The following RIMS2 variants were observed in gnomAD, a reference collection of about 807,000 sequenced individuals.
RIMS2 encodes the protein regulating synaptic membrane exocytosis 2.
In RIMS2, 59 loss-of-function variants were observed where a neutral mutation model predicts 174.4. The observed-to-expected ratio is 0.34, with a 90% CI of 0.27 to 0.42. RIMS2 has a LOEUF of 0.42. RIMS2 is among the 10% of genes least tolerant of loss of function. RIMS2 has a pLI of 1.00. For synonymous variants in RIMS2, 606 were observed against 572.5 expected, an observed-to-expected ratio of 1.06 and a Z score of -0.84; for missense variants, 1,620 against 1,666.3, an observed-to-expected ratio of 0.97 and a Z score of 0.48.
chr8:103,979,787 G>A (rs962314516), intron 16 of RIMS2, among the ~76,000 whole-genome samples: 5 of 152,198 alleles, frequency 3.3e-5, no homozygotes, highest in South Asian at 2.1e-4. Context: ...GAGGAAGAGC[G>A]CAGTGACTGG....
In RIMS2 at chr8:103,960,313, A is replaced by G. The variant is rs553027604; in HGVS notation, c.2702-752A>G. Reference sequence around the variant, plus strand: ...TTGCCACAGTAAGATTCACATTTAAAAATTTTGCTATAGATTTGTTATGTG... The same window carrying G: ...TTGCCACAGTAAGATTCACATTTAAGAATTTTGCTATAGATTTGTTATGTG... On this transcript the variant is annotated intron_variant, in intron 14 of 23. Transcript: ENST00000504942. Among the ~76,000 whole-genome samples the G allele has an allele frequency of 4.6e-5, 7 of 152,328 alleles. No homozygotes were observed. The South Asian group carries it at 1.4e-3, about 32-fold the overall frequency.
intron 1 of RIMS2, among the ~76,000 whole-genome samples, chr8:103,562,440 C>T (rs796163137): frequency 1.6e-4 from 24 of 152,298 alleles, no homozygotes; most frequent in African/African-American, 5.3e-4. Flanking sequence ...CTTAAAGTTC[C>T]AAAACAGTCT....
At chr8:103,712,892 TA>T (rs1441380732) in intron 2 of RIMS2, among the ~76,000 whole-genome samples, 5 of 152,198 alleles carry the variant, frequency 3.3e-5, no homozygotes, top group African/African-American at 1.2e-4. Flanking sequence ...AAATGAAAAA[TA>T]AAAGAATTTT....
chr8:104,202,312 C>T (rs963797731), intron 19 of RIMS2, among the ~76,000 whole-genome samples: 1 of 152,046 alleles, frequency 6.6e-6, no homozygotes, highest in Non-Finnish European at 1.5e-5. Flanking sequence ...TACAAAGAGA[C>T]GTGGTATATT....
intron 3 of RIMS2, among the ~76,000 whole-genome samples, chr8:103,835,877 C>T (rs144201312): frequency 2.6e-5 from 4 of 152,268 alleles, no homozygotes; most frequent in Admixed American, 1.3e-4. Context: ...TCTTTCTTTA[C>T]TACTTTACTT....
At chr8:104,247,119 T>C (rs2099338155) in intron 20 of RIMS2, among the ~76,000 whole-genome samples, 1 of 152,124 alleles carries the variant, frequency 6.6e-6, no homozygotes, top group Admixed American at 6.5e-5. Context: ...TGAGGTCAGA[T>C]TCTGAATGTA....
At chr8:103,958,378 GAAC>G (rs921361596) in intron 14 of RIMS2, among the ~76,000 whole-genome samples, 5 of 152,058 alleles carry the variant, frequency 3.3e-5, no homozygotes, top group African/African-American at 1.2e-4. Context: ...ACAAGGAAAG[GAAC>G]AACAGACCCT....
chr8:103,884,297 CTCTT>C (rs2099187064), intron 3 of RIMS2, among the ~76,000 whole-genome samples: 1 of 151,892 alleles, frequency 6.6e-6, no homozygotes, highest in South Asian at 2.1e-4. Context: ...GCTGACTTCA[CTCTT>C]TCATTGTCTC....
At chr8:103,663,918 A>G (rs150665699) in intron 1 of RIMS2, among the ~76,000 whole-genome samples, 1,770 of 152,334 alleles carry the variant, frequency 0.012, 33 homozygotes, top group African/African-American at 0.039. Flanking sequence ...ACAGCATGGT[A>G]CTGGTACCAA....
At position 104,116,660 on chromosome 8, in the gene RIMS2, A is replaced by G. The variant is rs6651194; in HGVS notation, c.3334+102045A>G. 4.6e-3 allele frequency among the ~76,000 whole-genome samples: 708 copies of G among 152,290 alleles called. 8 individuals are homozygous for G. The highest frequency in any genetic ancestry group is 0.016 in the African/African-American group (686 of 41,578). On this transcript the variant is annotated intron_variant, in intron 19 of 23. Coordinates refer to ENST00000504942, the Ensembl canonical transcript of RIMS2. The stretch of plus-strand genomic sequence containing the variant: ...GTAGTTTTAAAACTTGGGAGATACT[A>G]TAAAATTTACCATGAAAGATGATGG...
intron 19 of RIMS2, 27 bp downstream of exon 21, chr8:104,014,642 T>G: frequency 7.2e-7 from 1 of 1,393,556 alleles, no homozygotes. Context: ...ATTGTCTCGT[T>G]TAGGAAATAC....
intron 14 of RIMS2, among the ~76,000 whole-genome samples, chr8:103,954,536 G>C (rs1320098645): frequency 6.6e-6 from 1 of 152,146 alleles, no homozygotes. Flanking sequence ...CAGAAATAAA[G>C]ATGTTCTTTG....
At chr8:103,926,976 G>A (rs1375243677) in intron 10 of RIMS2, among the ~76,000 whole-genome samples, 3 of 151,448 alleles carry the variant, frequency 2.0e-5, no homozygotes, top group Non-Finnish European at 1.5e-5. Flanking sequence ...TTTTGTTTGA[G>A]TATGGGCAAG....
At chr8:103,631,802 G>A (rs777148566) in intron 1 of RIMS2, among the ~76,000 whole-genome samples, 1 of 152,036 alleles carries the variant, frequency 6.6e-6, no homozygotes, top group Non-Finnish European at 1.5e-5. Context: ...CTCTGATTTC[G>A]TTGAGCAGTG....
rs988506501 is a variant in RIMS2, at chr8:104,223,688, G to A, written c.3335-21228G>A. 4 of 1,591,610 alleles carry A rather than the reference G, an allele frequency of 2.5e-6. No homozygotes were observed. In the East Asian group the frequency reaches 9.0e-5, roughly 36 times the overall value. On this transcript the variant is annotated intron_variant, in intron 19 of 23. Coordinates refer to ENST00000504942, the Ensembl canonical transcript of RIMS2. ...GGGCTTGGGGGGTGCCAGCGCTGCG[G>A]GGCGCTCCATGCAGCGCTCCCAGAG... is the stretch of plus-strand genomic sequence containing the variant.
At chr8:103,509,787 G>A (rs1450040131) in intron 1 of RIMS2, among the ~76,000 whole-genome samples, 1 of 151,866 alleles carries the variant, frequency 6.6e-6, no homozygotes, top group Non-Finnish European at 1.5e-5. Context: ...CAAAATTGAA[G>A]ACAACTAGAT....
chr8:103,685,606 C>G (rs2096932137), intron 1 of RIMS2, among the ~76,000 whole-genome samples: 1 of 152,130 alleles, frequency 6.6e-6, no homozygotes, highest in African/African-American at 2.4e-5. Flanking sequence ...CATTGAATTA[C>G]TTCAGCTCCT....
chr8:104,010,020 G>A (rs376805864), intron 17 of RIMS2, among the ~76,000 whole-genome samples: 4 of 145,320 alleles, frequency 2.8e-5, no homozygotes, highest in East Asian at 1.9e-4. Flanking sequence ...ATGGACGGAC[G>A]GATGGACGGA....
At chr8:103,786,206 C>T (rs1308572535) in intron 3 of RIMS2, among the ~76,000 whole-genome samples, 1 of 149,608 alleles carries the variant, frequency 6.7e-6, no homozygotes, top group Non-Finnish European at 1.5e-5. Context: ...TTTTGTTGAT[C>T]CTTTCAAAAA....
Sources: gnomAD v4.1 joint callset for allele counts (sites outside exome capture counted in the v4.1 genomes callset) on GRCh38, gnomAD v4.1.1 for gene constraint, MANE v1.5 for transcripts, NCBI Gene and HGNC (gene_info 2026-07-23, HGNC 2026-07-21) for gene names.